The following RHOBTB3 variants were observed in gnomAD, a reference collection of about 807,000 sequenced individuals.
RHOBTB3 encodes Rho related BTB domain containing 3.
A neutral mutation model predicts 67.2 loss-of-function variants in RHOBTB3; 47 were observed. The ratio of observed to expected loss-of-function variants is 0.70; its 90% CI spans 0.55 to 0.89. RHOBTB3 has a LOEUF of 0.89. Among genes scored for constraint, RHOBTB3 ranks in the 40% least tolerant of loss-of-function variants. The pLI is 0.00. For synonymous variants in RHOBTB3, 273 were observed against 274.2 expected (o/e 1.00, Z 0.04); for missense variants, 631 against 750.0 (o/e 0.84, Z 1.85).
intron 3 of RHOBTB3, among the ~76,000 whole-genome samples, chr5:95,745,463 A>G (rs1744867053): frequency 6.6e-6 from 1 of 152,186 alleles, no homozygotes; most frequent in African/African-American, 2.4e-5. Context: ...AAAGACAGGC[A>G]TCCTTTCAGT....
chr5:95,754,055 A>T (rs1199590719), intron 5 of RHOBTB3, among the ~76,000 whole-genome samples: 1 of 152,268 alleles, frequency 6.6e-6, no homozygotes, highest in Non-Finnish European at 1.5e-5. Context: ...GCAGTGAGCC[A>T]AGATCATACC....
chr5:95,767,029 G>A (rs1229301553), intron 7 of RHOBTB3, among the ~76,000 whole-genome samples: 2 of 152,086 alleles, frequency 1.3e-5, no homozygotes, highest in Admixed American at 1.3e-4. Flanking sequence ...GACCAGCCTG[G>A]GAAAAATGGC....
intron 2 of RHOBTB3, 150 bp from the exon 3 acceptor site, chr5:95,736,737 AAG>A: frequency 1.8e-6 from 1 of 544,446 alleles, no homozygotes; most frequent in South Asian, 3.0e-5. Context: ...CATTTTTAAA[AAG>A]AGAGTTGGCA....
intron 11 of RHOBTB3, among the ~76,000 whole-genome samples, chr5:95,790,168 TCAAAA>T (rs1271380115): frequency 5.9e-5 from 9 of 152,098 alleles, no homozygotes; most frequent in African/African-American, 2.2e-4. Context: ...CATAATCACA[TCAAAA>T]CAAAACAACA....
rs575388327 is a variant in RHOBTB3, at chr5:95,778,165, G to T, written c.1283-2087G>T. Among the ~76,000 whole-genome samples the T allele has an allele frequency of 1.4e-4, 22 of 151,814 alleles. No homozygotes were observed. In the East Asian group the frequency reaches 3.5e-3, roughly 24 times the overall value. On this transcript the variant is annotated intron_variant, in intron 8 of 11. Transcript: ENST00000379982. ...TGTTCCTTAATGTCCATAGGAGATT[G>T]GTTCCAAGGACCTCCTGCAGATACC...
intron 1 of RHOBTB3, among the ~76,000 whole-genome samples, chr5:95,721,567 G>T (rs1282746718): frequency 2.0e-5 from 3 of 151,932 alleles, no homozygotes; most frequent in Non-Finnish European, 4.4e-5. Context: ...TTACACAAAT[G>T]CATATGTTTT....
Position 95,768,177 on chromosome 5 carries a change from A to G in RHOBTB3, c.1282+11A>G. The stretch of plus-strand genomic sequence containing the variant: ...TCTTCGAAATTCAAGGTACGGATCA[A>G]CTTTTACAAAGTTTATGATTCATTT... On this transcript the variant is annotated intron_variant, in intron 8 of 11. Coordinates refer to ENST00000379982, the MANE Select transcript of RHOBTB3 (RefSeq NM_014899.4). The G allele has an allele frequency of 6.3e-7, 1 of 1,598,176 alleles. No individual in the cohort carries two copies. Among genetic ancestry groups the G allele is most frequent in the East Asian group, 2.2e-5 (1 of 44,822 alleles).
At chr5:95,787,859 A>G (rs532039378) in intron 10 of RHOBTB3, among the ~76,000 whole-genome samples, 1 of 152,362 alleles carries the variant, frequency 6.6e-6, no homozygotes, top group South Asian at 2.1e-4. Context: ...ATAGGGAGAA[A>G]ACAGATTGTT....
chr5:95,792,455 AAAAATAAGTCCGTTATATCC>A, intron 11 of RHOBTB3, among the ~76,000 whole-genome samples: 1 of 151,800 alleles, frequency 6.6e-6, no homozygotes, highest in South Asian at 2.1e-4. Context: ...AATGGAAAAA[AAAAATAAGTCCGTTATATCC>A]AGGAAAAACA....
Position 95,747,216 on chromosome 5 carries a change from C to G in RHOBTB3, c.416-1117C>G, listed in dbSNP as rs542090535. The stretch of plus-strand genomic sequence containing the variant: ...GGATACAGCTCAGCTACCTCCTTTC[C>G]CCAAATGAGGAACAACTCTAAAAGG... On this transcript the variant is annotated intron_variant, in intron 3 of 11. Coordinates refer to ENST00000379982, the MANE Select transcript of RHOBTB3 (RefSeq NM_014899.4). Among the ~76,000 whole-genome samples, 9 of 152,298 alleles carry G rather than the reference C, an allele frequency of 5.9e-5. No individual in the cohort carries two copies. In the Middle Eastern group the frequency reaches 0.014, roughly 230 times the overall value.
At chr5:95,778,570 A>G (rs1424127693) in intron 8 of RHOBTB3, among the ~76,000 whole-genome samples, 1 of 152,202 alleles carries the variant, frequency 6.6e-6, no homozygotes, top group African/African-American at 2.4e-5. Context: ...TACTTATCAA[A>G]TTCTACCCCC....
chr5:95,730,403 C>T (rs866305905), upstream of RHOBTB3, among the ~76,000 whole-genome samples: 2 of 152,184 alleles, frequency 1.3e-5, no homozygotes, highest in Non-Finnish European at 2.9e-5. Context: ...TAATCCCTGG[C>T]CCATTTTGGT....
chr5:95,736,676 G>A (rs1755461392), intron 2 of RHOBTB3, among the ~76,000 whole-genome samples: 1 of 152,154 alleles, frequency 6.6e-6, no homozygotes, highest in South Asian at 2.1e-4. Flanking sequence ...GAATTCTCAG[G>A]TTCTCCTGTT....
At chr5:95,791,259 C>T (rs1281985427) in intron 11 of RHOBTB3, among the ~76,000 whole-genome samples, 2 of 152,140 alleles carry the variant, frequency 1.3e-5, no homozygotes, top group East Asian at 1.9e-4. Flanking sequence ...GGCACAGATA[C>T]ATCAGAACCC....
chr5:95,758,437 G>T (rs1033446591), intron 6 of RHOBTB3, among the ~76,000 whole-genome samples: 2 of 152,218 alleles, frequency 1.3e-5, no homozygotes, highest in Non-Finnish European at 2.9e-5. Flanking sequence ...CCCATGGCTG[G>T]AGCGTAGAGT....
intron 3 of RHOBTB3, among the ~76,000 whole-genome samples, chr5:95,746,027 T>A (rs937321405): frequency 1.3e-5 from 2 of 152,132 alleles, no homozygotes; most frequent in Non-Finnish European, 2.9e-5. Flanking sequence ...GGTAGCTAAG[T>A]GGCAACACAG....
chr5:95,751,371 T>C (rs1247502619), intron 4 of RHOBTB3: 3 of 151,896 alleles, frequency 2.0e-5, no homozygotes, highest in South Asian at 2.1e-4. Context: ...CATGCACTTA[T>C]AATCCCAGTG....
upstream of RHOBTB3, among the ~76,000 whole-genome samples, chr5:95,730,587 G>A (rs2112762970): frequency 6.6e-6 from 1 of 152,232 alleles, no homozygotes; most frequent in Admixed American, 6.5e-5. Context: ...TGGCCATAAC[G>A]TGTACAGAAA....
Position 95,748,442 on chromosome 5 carries a change from C to T in RHOBTB3, c.525C>T (p.Leu175=). Residue 175 remains leucine (L), a synonymous_variant, in exon 4 of 12, where the codon CTC becomes CTT. Coordinates refer to ENST00000379982, the MANE Select transcript of RHOBTB3 (RefSeq NM_014899.4). The stretch of plus-strand genomic sequence containing the variant: ...AACTAGGAGCGACCTATCTTGAACT[C>T]CACAGCCTTGATGACTTCTACATAG... ...AKELGATYLE[L]HSLDDFYIGK... 6.2e-7 allele frequency: 1 copy of T among 1,613,424 alleles called. No homozygotes were observed. Among genetic ancestry groups the T allele is most frequent in the Non-Finnish European group, 8.5e-7 (1 of 1,179,546 alleles).
Sources: allele counts gnomAD v4.1 joint callset (sites outside exome capture counted in the v4.1 genomes callset), GRCh38; gene constraint gnomAD v4.1.1; transcripts MANE v1.5; gene names NCBI Gene and HGNC (gene_info 2026-07-23, HGNC 2026-07-21).